DNAAF8: variants seen among roughly 807,000 people sequenced by gnomAD.
The protein encoded by DNAAF8 is dynein axonemal-associated protein 1.
In DNAAF8, 61 loss-of-function variants were observed where a neutral mutation model predicts 54.6. The observed-to-expected ratio is 1.12, with a 90% CI of 0.91 to 1.38. The LOEUF (loss-of-function observed/expected upper bound fraction) is 1.38, where lower values mean the gene tolerates loss of function less well. DNAAF8 is among the 40% of genes most tolerant of loss of function. The pLI is 0.00. For missense variants in DNAAF8, 837 were observed against 665.0 expected, an observed-to-expected ratio of 1.26 and a Z score of -2.85; for synonymous variants, 320 against 270.1, an observed-to-expected ratio of 1.18 and a Z score of -1.81.
At chr16:4,742,970 C>T (rs937040932) in intron 4 of DNAAF8, 73 bp from the exon 5 acceptor site, 1 of 1,190,056 alleles carries the variant, frequency 8.4e-7, no homozygotes, top group African/African-American at 1.5e-5. Context: ...TGGGTCACAG[C>T]AGCTGTGAAG....
intron 5 of DNAAF8, chr16:4,743,413 C>T (rs548484750): frequency 3.2e-4 from 113 of 357,912 alleles, no homozygotes; most frequent in East Asian, 1.6e-3. Flanking sequence ...CCGCACCCCA[C>T]CCCATGACCC....
chr16:4,746,048 C>T (rs1366257773), intron 6 of DNAAF8: 5 of 225,774 alleles, frequency 2.2e-5, no homozygotes, highest in South Asian at 1.1e-4. Flanking sequence ...AAACACCTAA[C>T]GTGGTGAATG....
chr16:4,746,591 T>A (rs2082020257), intron 7 of DNAAF8, 79 bp downstream of exon 7: 1 of 1,491,992 alleles, frequency 6.7e-7, no homozygotes, highest in African/African-American at 1.4e-5. Context: ...CTCTGGTGGA[T>A]CCTGATGGGG....
chr16:4,745,885 C>G (rs930960098), intron 6 of DNAAF8, among the ~76,000 whole-genome samples: 1 of 145,630 alleles, frequency 6.9e-6, no homozygotes, highest in African/African-American at 2.5e-5. Context: ...ACCCAGGAGG[C>G]GGAGGTTGCA....
Position 4,740,526 on chromosome 16 carries a change from G to A in DNAAF8, c.650G>A (p.Arg217Gln), listed in dbSNP as rs750228262. 12 of 1,613,952 alleles carry A rather than the reference G, an allele frequency of 7.4e-6. No homozygotes were observed. The highest frequency in any genetic ancestry group is 2.2e-5 in the South Asian group (2 of 91,086). The part of the protein sequence containing the change: ...IETDILQKVT[R>Q]DACGPTSSDK... ...ACGGACATCCTCCAGAAAGTCACCC[G>A]GGATGCCTGCGGCCCGACCAGCAGT... The change falls in exon 4 of 10, where the codon CGG (arginine) becomes CAG (glutamine). Residue 217 changes from arginine to glutamine, a missense_variant. Coordinates refer to ENST00000299320, the MANE Select transcript of DNAAF8 (RefSeq NM_139170.3).
chr16:4,735,454 G>T (rs1282766885), intron 1 of DNAAF8, among the ~76,000 whole-genome samples: 1 of 151,996 alleles, frequency 6.6e-6, no homozygotes, highest in East Asian at 1.9e-4. Flanking sequence ...GGGGATGAAC[G>T]GGCACTGACT....
intron 3 of DNAAF8, among the ~76,000 whole-genome samples, chr16:4,738,196 T>C (rs1458854236): frequency 6.6e-6 from 1 of 152,164 alleles, no homozygotes; most frequent in Non-Finnish European, 1.5e-5. Context: ...CCTTCTCTTC[T>C]TCTTGATCGC....
In DNAAF8 at chr16:4,746,494, A is replaced by G; in HGVS notation, c.1163A>G (p.Asp388Gly). 1 of 1,613,670 alleles carries G rather than the reference A, an allele frequency of 6.2e-7. No individual in the cohort carries two copies. The highest frequency in any genetic ancestry group is 8.5e-7 in the Non-Finnish European group (1 of 1,180,002). The change falls in exon 7 of 10, where the codon GAC becomes GGC. Residue 388 changes from aspartate (D) to glycine (G), a missense_variant. Coordinates refer to ENST00000299320, the MANE Select transcript of DNAAF8 (RefSeq NM_139170.3). ...GACCTGCGGCAGATGGAGCTACCAGACCACCTGTCCCCAGAAAGGTCCGGA... is the reference window on the plus strand; with the variant it reads ...GACCTGCGGCAGATGGAGCTACCAGGCCACCTGTCCCCAGAAAGGTCCGGA... ...FIDLRQMELP[D>G]HLSPESSSHS...
chr16:4,736,973 A>T (rs1345136984), intron 2 of DNAAF8, among the ~76,000 whole-genome samples: 1 of 152,094 alleles, frequency 6.6e-6, no homozygotes, highest in Non-Finnish European at 1.5e-5. Context: ...CCATTCTGCT[A>T]TTCTCCACTC....
rs1207333116 is a variant in DNAAF8 at position 4,735,972 on chromosome 16, GGTGTCTTCT to G, written c.-51-489_-51-481del. ...CCCTGTCTCCAAAACAAAAAAGCAA[GGTGTCTTCT>G]GTTCCTTGGTAAAGGGCAGTAAAGG... On this transcript the variant is annotated intron_variant, in intron 1 of 9. Coordinates refer to ENST00000299320, the MANE Select transcript of DNAAF8 (RefSeq NM_139170.3). Among the ~76,000 whole-genome samples, 5 of 152,130 alleles carry G rather than the reference GGTGTCTTCT, an allele frequency of 3.3e-5. No homozygotes were observed. The East Asian group carries it at 7.7e-4, about 24-fold the overall frequency.
At chr16:4,745,279 C>G (rs2082000355) in intron 6 of DNAAF8, among the ~76,000 whole-genome samples, 1 of 152,182 alleles carries the variant, frequency 6.6e-6, no homozygotes, top group Admixed American at 6.5e-5. Flanking sequence ...CAACGGGAAC[C>G]CTCCTTTCAA....
intron 3 of DNAAF8, among the ~76,000 whole-genome samples, chr16:4,738,973 T>G (rs2081927198): frequency 6.6e-6 from 1 of 152,070 alleles, no homozygotes; most frequent in South Asian, 2.1e-4. Context: ...CCAGCGTAAC[T>G]TCTCTCAGGT....
At chr16:4,736,781 C>G in intron 2 of DNAAF8, 138 bp downstream of exon 2, 2 of 991,310 alleles carry the variant, frequency 2.0e-6, no homozygotes, top group East Asian at 3.0e-5. Context: ...TACTTTAAAT[C>G]GCATGGCCAG....
chr16:4,747,308 C>T (rs376752805), intron 8 of DNAAF8, 35 bp from the exon 9 acceptor site: 778 of 1,525,670 alleles, frequency 5.1e-4, no homozygotes, highest in Middle Eastern at 8.9e-4. Flanking sequence ...GCGGCCCCCA[C>T]GGGGTTGAGT....
intron 4 of DNAAF8, 49 bp from the exon 5 acceptor site, chr16:4,742,994 C>T: frequency 1.4e-6 from 2 of 1,452,346 alleles, no homozygotes; most frequent in Non-Finnish European, 1.9e-6. Flanking sequence ...GTACTTGTGC[C>T]TCTGGGACCC....
Position 4,743,075 on chromosome 16 carries a change from T to C in DNAAF8, c.816T>C (p.Leu272=). 2 of 1,612,350 alleles carry C rather than the reference T, an allele frequency of 1.2e-6. No individual in the cohort carries two copies. Among genetic ancestry groups the C allele is most frequent in the Non-Finnish European group, 1.7e-6 (2 of 1,179,128 alleles). The change falls in exon 5 of 10, where the codon CTT becomes CTC. Residue 272 remains leucine (L), a synonymous_variant. Transcript: ENST00000299320. Reference sequence around the variant, plus strand: ...AAGCGTGGGATTTGGATGACATCCTTCAGAGTCTGGCGGGACAAGAAGACA... The same window carrying C: ...AAGCGTGGGATTTGGATGACATCCTCCAGAGTCTGGCGGGACAAGAAGACA... ...QLEAWDLDDI[L]QSLAGQEDNQ...
At chr16:4,742,552 C>CAAAAAAAAA (rs576508321) in intron 4 of DNAAF8, among the ~76,000 whole-genome samples, 13 of 94,606 alleles carry the variant, frequency 1.4e-4, no homozygotes, top group African/African-American at 2.6e-4. Context: ...ACTAAAAATA[C>CAAAAAAAAA]AAAAAAAAAA....
chr16:4,743,257 C>A, intron 5 of DNAAF8, 97 bp downstream of exon 5: 1 of 841,754 alleles, frequency 1.2e-6, no homozygotes, highest in Non-Finnish European at 1.8e-6. Flanking sequence ...CACAGACAGT[C>A]CTGCAGCCCA....
intron 4 of DNAAF8, 93 bp from the exon 5 acceptor site, chr16:4,742,950 A>G (rs2081972757): frequency 1.0e-6 from 1 of 1,001,902 alleles, no homozygotes; most frequent in Admixed American, 2.1e-5. Flanking sequence ...ACATCCTGTG[A>G]CCATCTCCAT....
Sources: allele counts gnomAD v4.1 joint callset (sites outside exome capture counted in the v4.1 genomes callset), GRCh38; gene constraint gnomAD v4.1.1; transcripts MANE v1.5; gene names NCBI Gene and HGNC (gene_info 2026-07-23, HGNC 2026-07-21).